Variants in TMC6 observed in about 807,000 individuals in gnomAD.
The protein encoded by TMC6 is transmembrane channel like 6, also known as transmembrane channel-like protein 6.
In TMC6, 71 loss-of-function variants were observed where a neutral mutation model predicts 95.4. The observed-to-expected ratio is 0.74, with a 90% CI of 0.61 to 0.91. TMC6 has a LOEUF of 0.91. Among genes scored for constraint, TMC6 ranks in the 40% least tolerant of loss-of-function variants. The pLI is 0.00. For synonymous variants in TMC6, 514 were observed against 483.1 expected (o/e 1.06, Z -0.84); for missense variants, 1,074 against 1,079.1 (o/e 1.00, Z 0.07).
chr17:78,121,147 G>A lies in TMC6; in HGVS notation c.1401C>T (p.Gly467=). 6.3e-7 allele frequency: 1 copy of A among 1,598,494 alleles called. No individual in the cohort carries two copies. The highest frequency in any genetic ancestry group is 8.5e-7 in the Non-Finnish European group (1 of 1,173,424). The change falls in exon 12 of 20, where the codon GGC becomes GGT. Residue 467 remains glycine (G), a synonymous_variant. Coordinates refer to ENST00000590602, the MANE Select transcript of TMC6 (RefSeq NM_001127198.5). This position sits in a 1 kb window ranked among gnomAD's most constrained non-coding sequence, Gnocchi z 5.6. ...EFMIQSPEAA[G]QEAVLLVLPL... is the part of the protein sequence containing the mutation. ...GCAGGACCAGCAGCACAGCCTCCTG[G>A]CCAGCAGCCTCTGGACTCTGCAGGG...
rs1413131786 is a variant in TMC6, at chr17:78,124,538, G to A, written c.877C>T (p.Leu293Phe). The change falls in exon 8 of 20, where the codon CTC (leucine) becomes TTC (phenylalanine). Residue 293 changes from leucine to phenylalanine, a missense_variant. By Grantham distance (22) the Leu-to-Phe change is conservative. Transcript: ENST00000590602. ...GPAPVCTGLE[L>F]LTGAGCFTHT... is the part of the protein sequence containing the mutation. ...GGCTTCCTCACCGCGCCTGTGAGGA[G>A]CTCCAGGCCTGTGCAGACGGGGGCA... 6.8e-6 allele frequency: 11 copies of A among 1,611,292 alleles called. No homozygotes were observed. Among genetic ancestry groups the A allele is most frequent in the Non-Finnish European group, 8.5e-6 (10 of 1,179,820 alleles).
chr17:78,121,425 G>C lies in TMC6; in HGVS notation c.1383+131C>G. On this transcript the variant is annotated intron_variant, in intron 11 of 19. Transcript: ENST00000590602. The surrounding 1 kb of genome is among the most constrained non-coding windows in gnomAD (Gnocchi z 5.6). ...GGCTCGGAGGGGGCCCCAGCACGGG[G>C]CACAGCGTACGTGGCACCCTGGGCT... The C allele has an allele frequency of 6.7e-7, 1 of 1,490,428 alleles. No individual in the cohort carries two copies. The highest frequency in any genetic ancestry group is 2.4e-5 in the East Asian group (1 of 41,306). The allele number at this position is 1,490,428 out of a possible 1,614,324, so 92.3% of individuals were successfully genotyped here. A position where few individuals can be genotyped will look rare whatever the true frequency, so the allele number is the denominator to read the frequency against.
In TMC6 at chr17:78,121,548, C is replaced by G; in HGVS notation, c.1383+8G>C. 6.2e-7 allele frequency: 1 copy of G among 1,611,076 alleles called. No homozygotes were observed. The highest frequency in any genetic ancestry group is 1.1e-5 in the South Asian group (1 of 91,004). ...CAAGCAAGGGCCAGGCTCCCCCCATCCCCGCACCTGGATCATGAACTCCGA... is the reference window on the plus strand; with the variant it reads ...CAAGCAAGGGCCAGGCTCCCCCCATGCCCGCACCTGGATCATGAACTCCGA... On this transcript the variant is annotated splice_region_variant and intron_variant, in intron 11 of 19. Coordinates refer to ENST00000590602, the MANE Select transcript of TMC6 (RefSeq NM_001127198.5). This position sits in a 1 kb window ranked among gnomAD's most constrained non-coding sequence, Gnocchi z 5.6.
At position 78,109,246 on chromosome 17, in the gene TMC6, G is replaced by C. The variant is rs1162482167; in HGVS notation, c.*3902C>G. 5.7e-6 allele frequency: 2 copies of C among 351,188 alleles called. No homozygotes were observed. The highest frequency in any genetic ancestry group is 3.9e-5 in the Admixed American group (1 of 25,532). 21.8% of individuals were successfully genotyped at this position (351,188 alleles called of 1,614,324 possible). ...AATGGGGGAGAAGCCAGCAGACACA[G>C]AGGCATCATGGCGAGCCCCGACTGA... On this transcript the variant is annotated 3_prime_UTR_variant, in exon 20 of 20. Coordinates refer to ENST00000590602, the MANE Select transcript of TMC6 (RefSeq NM_001127198.5).
rs368429631 is a variant in TMC6, at chr17:78,123,030, G to A, written c.1083-281C>T. ...CCTCCCAGCGAGACATGGACCAGAA[G>A]ATGCTGGGCTCACCTCAGGGCCTTT... is the stretch of plus-strand genomic sequence containing the variant. On this transcript the variant is annotated intron_variant, in intron 9 of 19. Coordinates refer to ENST00000590602, the MANE Select transcript of TMC6 (RefSeq NM_001127198.5). 5.5e-5 allele frequency: 30 copies of A among 546,664 alleles called. No individual in the cohort carries two copies. In the East Asian group the frequency reaches 9.6e-4, roughly 18 times the overall value. 33.9% of individuals were successfully genotyped at this position (546,664 alleles called of 1,614,324 possible). A position where few individuals can be genotyped will look rare whatever the true frequency, so the allele number is the denominator to read the frequency against.
rs1409930915 is a variant in TMC6 at position 78,109,350 on chromosome 17, G to A, written c.*3798C>T. On this transcript the variant is annotated 3_prime_UTR_variant, in exon 20 of 20. Transcript: ENST00000590602. ...TGCAGGAGTGCGGTGTCTACGGATG[G>A]ACCAAGAAAACCTACGCAGGATCCA... 2 of 428,200 alleles carry A rather than the reference G, an allele frequency of 4.7e-6. No homozygotes were observed. The highest frequency in any genetic ancestry group is 2.1e-5 in the African/African-American group (1 of 48,744). 26.5% of individuals were successfully genotyped at this position (428,200 alleles called of 1,614,324 possible). A position where few individuals can be genotyped will look rare whatever the true frequency, so the allele number is the denominator to read the frequency against.
At chr17:78,127,300 C>T (rs1032575518) in intron 1 of TMC6, among the ~76,000 whole-genome samples, 5 of 152,152 alleles carry the variant, frequency 3.3e-5, no homozygotes, top group Non-Finnish European at 7.4e-5. Context: ...AGGCTGTAGG[C>T]CTTCTCTGCG....
chr17:78,124,836 C>T, intron 7 of TMC6, 53 bp downstream of exon 7: 2 of 1,578,888 alleles, frequency 1.3e-6, no homozygotes, highest in Non-Finnish European at 1.7e-6. Flanking sequence ...GCACTGAGGC[C>T]ACCCCAGCCC....
chr17:78,131,934 C>G (rs2145576393), upstream of TMC6: 1 of 1,504,158 alleles, frequency 6.6e-7, no homozygotes, highest in Middle Eastern at 2.1e-4. Context: ...GCGGTGGCAG[C>G]GCCGGCGGCA....
At chr17:78,113,402 G>A (rs2073891363) in intron 19 of TMC6, 146 bp downstream of exon 19, 3 of 1,216,086 alleles carry the variant, frequency 2.5e-6, no homozygotes, top group Non-Finnish European at 1.2e-6. Context: ...AGTGAAGGTG[G>A]GCGCCGGGGG....
Position 78,121,169 on chromosome 17 carries a change from A to C in TMC6, c.1384-5T>G. 6.3e-7 allele frequency: 1 copy of C among 1,581,326 alleles called. No individual in the cohort carries two copies. ...CTGGCCAGCAGCCTCTGGACTCTGC[A>C]GGGGTGCAGGGAGCGGTGTCATGGA... On this transcript the variant is annotated splice_polypyrimidine_tract_variant and splice_region_variant and intron_variant, in intron 11 of 19. Transcript: ENST00000590602. This position sits in a 1 kb window ranked among gnomAD's most constrained non-coding sequence, Gnocchi z 5.6.
At position 78,125,681 on chromosome 17, in the gene TMC6, C is replaced by T. The variant is rs773509883; in HGVS notation, c.430+45G>A. The T allele has an allele frequency of 5.2e-6, 8 of 1,549,394 alleles. No individual in the cohort carries two copies. The South Asian group carries it at 9.5e-5, about 18-fold the overall frequency. On this transcript the variant is annotated intron_variant, in intron 5 of 19. Coordinates refer to ENST00000590602, the MANE Select transcript of TMC6 (RefSeq NM_001127198.5). The stretch of plus-strand genomic sequence containing the variant: ...CCAGGCTGGCCTCTTGCACCCCACC[C>T]CAGGCCGGTGTCCGCCACTGGGGCT...
rs574625422 is a variant in TMC6 at position 78,111,926 on chromosome 17, G to C, written c.*1222C>G. ...TGGTCCCCACAGACCTGGAGCACTG[G>C]GGTCATGACGGGCTGGTCCCCGCAG... On this transcript the variant is annotated 3_prime_UTR_variant, in exon 20 of 20. Coordinates refer to ENST00000590602, the MANE Select transcript of TMC6 (RefSeq NM_001127198.5). 222 of 227,240 alleles carry C rather than the reference G, an allele frequency of 9.8e-4. 2 individuals are homozygous for C. Among genetic ancestry groups the C allele is most frequent in the African/African-American group, 4.8e-3 (185 of 38,306 alleles). The allele number at this position is 227,240 out of a possible 1,614,324, so 14.1% of individuals were successfully genotyped here.
chr17:78,116,011 C>G (rs2074088744), intron 18 of TMC6, among the ~76,000 whole-genome samples: 2 of 152,142 alleles, frequency 1.3e-5, no homozygotes, highest in Middle Eastern at 3.4e-3. Flanking sequence ...AACTCACTCC[C>G]ATGACACAGC....
At chr17:78,119,157 C>A in intron 14 of TMC6, 111 bp from the exon 15 acceptor site, 1 of 1,489,898 alleles carries the variant, frequency 6.7e-7, no homozygotes, top group Non-Finnish European at 9.3e-7. Flanking sequence ...ACTGAGTCCC[C>A]GGGGTTAGGG....
rs1166702911 is a variant in TMC6, at chr17:78,109,993, T to A, written c.*3155A>T. The A allele has an allele frequency of 2.4e-5, 4 of 166,470 alleles. No individual in the cohort carries two copies. The highest frequency in any genetic ancestry group is 9.6e-5 in the African/African-American group (4 of 41,550). 10.3% of individuals were successfully genotyped at this position (166,470 alleles called of 1,614,324 possible). A position where few individuals can be genotyped will look rare whatever the true frequency, so the allele number is the denominator to read the frequency against. On this transcript the variant is annotated 3_prime_UTR_variant, in exon 20 of 20. Coordinates refer to ENST00000590602, the MANE Select transcript of TMC6 (RefSeq NM_001127198.5). ...AGGCAGGAGAATGGCTTGAACCCAG[T>A]AGGCGGAGGTTGCGGTGAGCCAAGA...
chr17:78,120,770 ACC>A lies in TMC6; in HGVS notation c.1596_1597del (p.Arg532SerfsTer56). ...CCAGCACTGGCCCTGCAGGACGCCC[ACC>A]CTGCGGCCCAGCCAGTGGTAGCACA... On this transcript the variant is annotated frameshift_variant, in exon 13 of 20. Transcript: ENST00000590602. LOFTEE classifies it high-confidence loss of function. 6.2e-7 allele frequency: 1 copy of A among 1,612,570 alleles called. No homozygotes were observed.
Position 78,122,397 on chromosome 17 carries a change from CCTAA to C in TMC6, c.1227+204_1227+207del, listed in dbSNP as rs1359760738. On this transcript the variant is annotated intron_variant, in intron 10 of 19. Coordinates refer to ENST00000590602, the MANE Select transcript of TMC6 (RefSeq NM_001127198.5). This position sits in a 1 kb window ranked among gnomAD's most constrained non-coding sequence, Gnocchi z 4.9. ...GCGCTAGCAGACAACAGAGGCAGCC[CCTAA>C]CTGATGGGTGTGTGCCAGAGAAAAA... Among the ~76,000 whole-genome samples, 1 of 152,004 alleles carries C rather than the reference CCTAA, an allele frequency of 6.6e-6. No individual in the cohort carries two copies. Among genetic ancestry groups the C allele is most frequent in the East Asian group, 1.9e-4 (1 of 5,146 alleles).
rs990769725 is a variant in TMC6 at position 78,113,292 on chromosome 17, C to T, written c.2355-81G>A. ...CTGGCTGGGCGCAGCCAAGGCCCGGCGAGGGACAGGCCAGACGCCCCACAG... is the reference window on the plus strand; with the variant it reads ...CTGGCTGGGCGCAGCCAAGGCCCGGTGAGGGACAGGCCAGACGCCCCACAG... On this transcript the variant is annotated intron_variant, in intron 19 of 19. Coordinates refer to ENST00000590602, the MANE Select transcript of TMC6 (RefSeq NM_001127198.5). The T allele has an allele frequency of 9.6e-5, 142 of 1,472,428 alleles. No homozygotes were observed. The South Asian group carries it at 1.0e-3, about 11-fold the overall frequency. 91.2% of individuals were successfully genotyped at this position (1,472,428 alleles called of 1,614,324 possible).
Sources: allele counts gnomAD v4.1 joint callset (sites outside exome capture counted in the v4.1 genomes callset), GRCh38; gene constraint gnomAD v4.1.1; non-coding constraint Gnocchi (gnomAD v3.1); transcripts MANE v1.5; gene names NCBI Gene and HGNC (gene_info 2026-07-23, HGNC 2026-07-21).